FOXP2: variants seen among roughly 807,000 people sequenced by gnomAD.
The protein encoded by FOXP2 is forkhead box protein P2.
Under a neutral mutation model 115.8 loss-of-function variants are expected in FOXP2, and 12 were observed. The ratio of observed to expected loss-of-function variants is 0.10; its 90% CI spans 0.07 to 0.17. The LOEUF (loss-of-function observed/expected upper bound fraction) is 0.17. FOXP2 is among the 10% of genes least tolerant of loss of function. The pLI is 1.00. For missense variants in FOXP2, 629 were observed against 843.5 expected (o/e 0.75, Z 3.15); for synonymous variants, 328 against 297.7 (o/e 1.10, Z -1.05).
At chr7:114,545,986 A>G (rs1304370067) in intron 3 of FOXP2, among the ~76,000 whole-genome samples, 1 of 152,140 alleles carries the variant, frequency 6.6e-6, no homozygotes, top group African/African-American at 2.4e-5. Flanking sequence ...CATAATTACT[A>G]TAAGCTTCTT....
intron 2 of FOXP2, among the ~76,000 whole-genome samples, chr7:114,300,128 G>T (rs1299815972): frequency 6.6e-6 from 1 of 151,896 alleles, no homozygotes; most frequent in Non-Finnish European, 1.5e-5. Flanking sequence ...TAAGCTACTA[G>T]CTTTTTCTTA....
At chr7:114,175,505 C>A (rs908588528) in intron 1 of FOXP2, among the ~76,000 whole-genome samples, 2 of 152,056 alleles carry the variant, frequency 1.3e-5, no homozygotes, top group East Asian at 3.8e-4. Flanking sequence ...GACCTAATGA[C>A]CATTTTCATT....
At chr7:114,442,277 T>TA (rs1794637443) in intron 2 of FOXP2, among the ~76,000 whole-genome samples, 1 of 151,978 alleles carries the variant, frequency 6.6e-6, no homozygotes, top group Admixed American at 6.6e-5. Flanking sequence ...CAAACTGATG[T>TA]AAACAGAAAG....
chr7:114,121,650 A>G (rs1432576717), intron 1 of FOXP2, among the ~76,000 whole-genome samples: 1 of 152,120 alleles, frequency 6.6e-6, no homozygotes, highest in African/African-American at 2.4e-5. Flanking sequence ...CATAACTGAA[A>G]CTAGAATTTA....
intron 2 of FOXP2, among the ~76,000 whole-genome samples, chr7:114,316,368 A>G (rs1298955984): frequency 2.0e-5 from 3 of 152,220 alleles, no homozygotes; most frequent in Non-Finnish European, 4.4e-5. Context: ...CATTCAGCAT[A>G]TATACTGAGC....
chr7:114,195,065 T>G (rs1005124303), intron 1 of FOXP2, among the ~76,000 whole-genome samples: 1 of 152,164 alleles, frequency 6.6e-6, no homozygotes, highest in African/African-American at 2.4e-5. Context: ...CTGGGCTGAT[T>G]GTTGGTTTTT....
At chr7:114,525,562 G>C (rs1050431020) in intron 2 of FOXP2, among the ~76,000 whole-genome samples, 3 of 152,100 alleles carry the variant, frequency 2.0e-5, no homozygotes, top group Non-Finnish European at 2.9e-5. Context: ...TGATAGAAAA[G>C]CTTCCCACTT....
chr7:114,112,061 G>T (rs1306522586), intron 1 of FOXP2, among the ~76,000 whole-genome samples: 1 of 152,066 alleles, frequency 6.6e-6, no homozygotes, highest in Non-Finnish European at 1.5e-5. Context: ...TAAAACCACT[G>T]CCTGTAAGAC....
chr7:114,564,352 G>A (rs11771049), intron 3 of FOXP2, among the ~76,000 whole-genome samples: 14,121 of 151,986 alleles, frequency 0.093, 698 homozygotes, highest in Middle Eastern at 0.16. Flanking sequence ...TACGTCTTCA[G>A]CAATGCATTT....
rs565014720 is a variant in FOXP2, at chr7:114,648,206, A to G, written c.1094+3417A>G. On this transcript the variant is annotated intron_variant, in intron 8 of 16. Coordinates refer to ENST00000350908, the MANE Select transcript of FOXP2 (RefSeq NM_014491.4). ...TTTGACTAGGCAGCATGGCTACAAA[A>G]TTATGACCTCAAGAAGGCATTCTTT... 2.6e-5 allele frequency among the ~76,000 whole-genome samples: 4 copies of G among 152,084 alleles called. No individual in the cohort carries two copies. In the South Asian group the frequency reaches 8.3e-4, roughly 32 times the overall value.
intron 2 of FOXP2, chr7:114,498,993 C>A (rs1405730349): frequency 9.8e-6 from 7 of 715,524 alleles, no homozygotes; most frequent in Non-Finnish European, 1.8e-5. Flanking sequence ...CCAGCAGCAA[C>A]AGCATCACCG....
At chr7:114,141,712 A>G (rs550425324) in intron 1 of FOXP2, among the ~76,000 whole-genome samples, 2 of 152,252 alleles carry the variant, frequency 1.3e-5, no homozygotes, top group Admixed American at 1.3e-4. Flanking sequence ...TAAAGTTTGG[A>G]GGCACCACCA....
chr7:114,529,121 C>G (rs1342974406), intron 2 of FOXP2, among the ~76,000 whole-genome samples: 1 of 151,812 alleles, frequency 6.6e-6, no homozygotes, highest in Non-Finnish European at 1.5e-5. Flanking sequence ...GAATATCAGG[C>G]TACTTGATGT....
chr7:114,442,615 G>T (rs1310326335), intron 2 of FOXP2, among the ~76,000 whole-genome samples: 1 of 151,974 alleles, frequency 6.6e-6, no homozygotes, highest in Non-Finnish European at 1.5e-5. Context: ...ATGCCATCAT[G>T]CCTGGCTATC....
intron 3 of FOXP2, among the ~76,000 whole-genome samples, chr7:114,562,298 A>G (rs1461740935): frequency 6.6e-6 from 1 of 152,106 alleles, no homozygotes; most frequent in Admixed American, 6.5e-5. Flanking sequence ...GCTAGTGTTC[A>G]CTGATGTTTA....
At chr7:114,123,579 A>G (rs1338456984) in intron 1 of FOXP2, among the ~76,000 whole-genome samples, 2 of 152,056 alleles carry the variant, frequency 1.3e-5, no homozygotes, top group East Asian at 3.9e-4. Flanking sequence ...TCATCCTGGG[A>G]TGATTAACAG....
At chr7:114,614,194 G>A (rs1803798306) in intron 3 of FOXP2, among the ~76,000 whole-genome samples, 2 of 152,088 alleles carry the variant, frequency 1.3e-5, no homozygotes, top group Non-Finnish European at 1.5e-5. Flanking sequence ...CCATAAGCTA[G>A]CATCTACTTT....
At chr7:114,574,386 A>G (rs1318083297) in intron 3 of FOXP2, among the ~76,000 whole-genome samples, 1 of 151,808 alleles carries the variant, frequency 6.6e-6, no homozygotes, top group Non-Finnish European at 1.5e-5. Context: ...TGCTTTTCAC[A>G]TTCAGTTTTT....
chr7:114,229,659 G>T (rs1794824989), intron 1 of FOXP2, among the ~76,000 whole-genome samples: 1 of 151,086 alleles, frequency 6.6e-6, no homozygotes, highest in Non-Finnish European at 1.5e-5. Context: ...TTGCATCACA[G>T]AAAATGGAAA....
Sources: gnomAD v4.1 joint callset for allele counts (sites outside exome capture counted in the v4.1 genomes callset) on GRCh38, gnomAD v4.1.1 for gene constraint, MANE v1.5 for transcripts, NCBI Gene and HGNC (gene_info 2026-07-23, HGNC 2026-07-21) for gene names.